Variants in TRIM58 observed in about 807,000 individuals in gnomAD.
The protein encoded by TRIM58 is tripartite motif containing 58.
Under a neutral mutation model 34.1 loss-of-function variants are expected in TRIM58, and 38 were observed. That is an observed-to-expected ratio of 1.12 (90% CI 0.86 to 1.46). The LOEUF (loss-of-function observed/expected upper bound fraction) is 1.46. Among genes scored for constraint, TRIM58 ranks in the 40% most tolerant of loss-of-function variants. TRIM58 has a pLI of 0.00. For missense variants in TRIM58, 677 were observed against 642.0 expected (o/e 1.05, Z -0.59); for synonymous variants, 273 against 275.7 (o/e 0.99, Z 0.10).
intron 2 of TRIM58, among the ~76,000 whole-genome samples, chr1:247,862,360 C>G (rs1219070331): frequency 2.0e-5 from 3 of 151,932 alleles, no homozygotes; most frequent in African/African-American, 7.3e-5. Flanking sequence ...GTATAAGATG[C>G]AATTCTAGGT....
rs1362508215 is a variant in TRIM58, at chr1:247,879,204, CT to C, written c.*2719del. On this transcript the variant is annotated 3_prime_UTR_variant, in exon 6 of 6. Transcript: ENST00000366481. ...CCTGTCACTGGATGGCAACTCCATT[CT>C]TTTGATTGCTTAAGCCAGGCATCCG... 6.6e-6 allele frequency among the ~76,000 whole-genome samples: 1 copy of C among 152,218 alleles called. No homozygotes were observed. The highest frequency in any genetic ancestry group is 1.5e-5 in the Non-Finnish European group (1 of 68,030).
intron 5 of TRIM58, among the ~76,000 whole-genome samples, 192 bp from the exon 6 acceptor site, chr1:247,875,708 A>G (rs993411241): frequency 6.6e-6 from 1 of 152,224 alleles, no homozygotes; most frequent in Non-Finnish European, 1.5e-5. Flanking sequence ...ATATACCAGA[A>G]AGTTATAAAG....
Position 247,876,312 on chromosome 1 carries a change from AGATG to A in TRIM58, c.1288_1291del (p.Gly430LeufsTer33). The stretch of plus-strand genomic sequence containing the variant: ...GTGAAATTTCATTCTACAATGTCAC[AGATG>A]GATCTTATATCTACACATTCAACCA... On this transcript the variant is annotated frameshift_variant, in exon 6 of 6. Transcript: ENST00000366481. LOFTEE classifies it low-confidence loss of function (END_TRUNC). 3.1e-6 allele frequency: 5 copies of A among 1,614,076 alleles called. No homozygotes were observed. The highest frequency in any genetic ancestry group is 4.2e-6 in the Non-Finnish European group (5 of 1,180,010).
chr1:247,861,729 A>G (rs1663798417), intron 2 of TRIM58, among the ~76,000 whole-genome samples: 2 of 152,042 alleles, frequency 1.3e-5, no homozygotes, highest in South Asian at 4.1e-4. Context: ...CAGATATTAC[A>G]TAAAGACTTT....
At chr1:247,858,111 C>A (rs1324640860) in intron 1 of TRIM58, among the ~76,000 whole-genome samples, 1 of 152,188 alleles carries the variant, frequency 6.6e-6, no homozygotes, top group Non-Finnish European at 1.5e-5. Context: ...GTGTTGTCAG[C>A]AAAGCAACCC....
chr1:247,876,006 T>C lies in TRIM58; in HGVS notation c.978T>C (p.Pro326=). Residue 326 remains proline, a synonymous_variant, in exon 6 of 6, where the codon CCT becomes CCC. Transcript: ENST00000366481. ...GEPWRDVPNN[P]ERFDTWPCIL... ...CATGGAGGGATGTCCCCAACAACCC[T>C]GAGCGATTTGACACATGGCCCTGCA... 1 of 1,614,230 alleles carries C rather than the reference T, an allele frequency of 6.2e-7. No individual in the cohort carries two copies. Among genetic ancestry groups the C allele is most frequent in the African/African-American group, 1.3e-5 (1 of 75,064 alleles).
At chr1:247,857,801 C>T in intron 1 of TRIM58, 135 bp downstream of exon 1, 1 of 1,153,040 alleles carries the variant, frequency 8.7e-7, no homozygotes, top group South Asian at 4.4e-5. Flanking sequence ...CGCCGTCCCC[C>T]CCGCCCACGC....
Position 247,867,864 on chromosome 1 carries a change from G to GC in TRIM58, c.768dup (p.Arg257GlnfsTer3). On this transcript the variant is annotated frameshift_variant, in exon 4 of 6. Coordinates refer to ENST00000366481, the MANE Select transcript of TRIM58 (RefSeq NM_015431.4). LOFTEE classifies it high-confidence loss of function. Reference sequence around the variant, plus strand: ...TTTCAGGGTGTGAGAGGAGTCCTGAGCAGGTATGTGTGCTTTCTGAATTGG... The same window carrying GC: ...TTTCAGGGTGTGAGAGGAGTCCTGAGCCAGGTATGTGTGCTTTCTGAATTGG... The GC allele has an allele frequency of 6.2e-7, 1 of 1,614,174 alleles. No individual in the cohort carries two copies. Among genetic ancestry groups the GC allele is most frequent in the African/African-American group, 1.3e-5 (1 of 75,040 alleles).
intron 1 of TRIM58, 112 bp downstream of exon 1, chr1:247,857,778 T>C: frequency 8.4e-7 from 1 of 1,183,648 alleles, no homozygotes; most frequent in Non-Finnish European, 1.0e-6. Context: ...CCACGGCCGC[T>C]CCCCCCACCG....
intron 3 of TRIM58, among the ~76,000 whole-genome samples, chr1:247,867,582 G>A (rs924055623): frequency 6.6e-6 from 1 of 152,082 alleles, no homozygotes; most frequent in Non-Finnish European, 1.5e-5. Flanking sequence ...GCGGGAGCCT[G>A]TAATCCCAGC....
chr1:247,875,265 G>T (rs968854570), intron 5 of TRIM58, among the ~76,000 whole-genome samples: 1 of 151,216 alleles, frequency 6.6e-6, no homozygotes, highest in Non-Finnish European at 1.5e-5. Flanking sequence ...TGGAAGTAGT[G>T]GATTTAATAT....
Position 247,878,531 on chromosome 1 carries a change from C to G in TRIM58, c.*2042C>G, listed in dbSNP as rs1209153104. On this transcript the variant is annotated 3_prime_UTR_variant, in exon 6 of 6. Transcript: ENST00000366481. ...TCGTGTCCCTCTTCTTGGTGTTCCA[C>G]AGGCCATGTGTGCCCTAGCCCTCGT... 6.6e-6 allele frequency among the ~76,000 whole-genome samples: 1 copy of G among 152,214 alleles called. No homozygotes were observed. Among genetic ancestry groups the G allele is most frequent in the East Asian group, 1.9e-4 (1 of 5,200 alleles).
intron 3 of TRIM58, among the ~76,000 whole-genome samples, chr1:247,866,340 C>T (rs12066672): frequency 0.41 from 62,377 of 151,648 alleles, 13,346 homozygotes; most frequent in African/African-American, 0.53. Context: ...CCGCACCTGG[C>T]TAATTTTTTT....
chr1:247,875,103 T>G (rs1030109997), intron 5 of TRIM58, among the ~76,000 whole-genome samples: 1 of 152,148 alleles, frequency 6.6e-6, no homozygotes, highest in African/African-American at 2.4e-5. Flanking sequence ...CAGAGAAAAC[T>G]TTCTGATTTT....
In TRIM58 at chr1:247,878,286, C is replaced by T. The variant is rs1659335707; in HGVS notation, c.*1797C>T. 1 of 152,100 alleles carries T rather than the reference C, an allele frequency of 6.6e-6. No individual in the cohort carries two copies. The highest frequency in any genetic ancestry group is 2.4e-5 in the African/African-American group (1 of 41,432). The allele number at this position is 152,100 out of a possible 1,614,324, so 9.4% of individuals were successfully genotyped here. ...TATTAATTAATGGCAAATTATTTAA[C>T]ATTATCTGATAATAATCTGCAGAAG... On this transcript the variant is annotated 3_prime_UTR_variant, in exon 6 of 6. Transcript: ENST00000366481.
At chr1:247,875,004 CT>C (rs1435957131) in intron 5 of TRIM58, among the ~76,000 whole-genome samples, 1 of 152,178 alleles carries the variant, frequency 6.6e-6, no homozygotes, top group Non-Finnish European at 1.5e-5. Flanking sequence ...TCGTTTGTCT[CT>C]TCATGTGACC....
chr1:247,857,674 G>T lies in TRIM58; in HGVS notation c.420+8G>T. On this transcript the variant is annotated splice_region_variant and intron_variant, in intron 1 of 5. Transcript: ENST00000366481. ...GCCGCCGGCAGCTACCAGGTGAGGC[G>T]CCCCCCGGCGGGGGCTGCGGGCGCT... 1.6e-6 allele frequency: 2 copies of T among 1,224,870 alleles called. No homozygotes were observed. 75.9% of individuals were successfully genotyped at this position (1,224,870 alleles called of 1,614,324 possible).
chr1:247,875,883 C>G lies in TRIM58; in HGVS notation c.872-17C>G, dbSNP rs769197263. The G allele has an allele frequency of 2.5e-6, 4 of 1,596,708 alleles. No individual in the cohort carries two copies. Among genetic ancestry groups the G allele is most frequent in the East Asian group, 4.5e-5 (2 of 44,676 alleles). ...CCTTTCTTTCCTTTCACCTGGTCCA[C>G]CACATTCTTTCCGCAGTGGATGTAA... On this transcript the variant is annotated splice_polypyrimidine_tract_variant and intron_variant, in intron 5 of 5. Transcript: ENST00000366481.
At position 247,877,689 on chromosome 1, in the gene TRIM58, T is replaced by A. The variant is rs557397715; in HGVS notation, c.*1200T>A. On this transcript the variant is annotated 3_prime_UTR_variant, in exon 6 of 6. Transcript: ENST00000366481. Reference sequence around the variant, plus strand: ...ACTGTGTTATGGTAAATATTTAAGGTCATATTTGATATTGCTGGTTTGAAT... The same window carrying A: ...ACTGTGTTATGGTAAATATTTAAGGACATATTTGATATTGCTGGTTTGAAT... The A allele has an allele frequency of 6.6e-6, 1 of 152,172 alleles. No individual in the cohort carries two copies. Among genetic ancestry groups the A allele is most frequent in the Non-Finnish European group, 1.5e-5 (1 of 68,036 alleles). The allele number at this position is 152,172 out of a possible 1,614,324, so 9.4% of individuals were successfully genotyped here.
Sources: gnomAD v4.1 joint callset for allele counts (sites outside exome capture counted in the v4.1 genomes callset) on GRCh38, gnomAD v4.1.1 for gene constraint, MANE v1.5 for transcripts, NCBI Gene and HGNC (gene_info 2026-07-23, HGNC 2026-07-21) for gene names.